PRIM2: variants seen among roughly 807,000 people sequenced by gnomAD.
PRIM2 encodes DNA primase large subunit.
In PRIM2, 39 loss-of-function variants were observed where a neutral mutation model predicts 67.3. The ratio of observed to expected loss-of-function variants is 0.58; its 90% CI spans 0.45 to 0.76. PRIM2 has a LOEUF of 0.76. PRIM2 is among the 30% of genes least tolerant of loss of function. The pLI is 0.00. For missense variants in PRIM2, 398 were observed against 598.7 expected, an observed-to-expected ratio of 0.66 and a Z score of 3.50; for synonymous variants, 143 against 198.7, an observed-to-expected ratio of 0.72 and a Z score of 2.36.
At chr6:57,396,979 G>T (rs1389428453) in intron 7 of PRIM2, among the ~76,000 whole-genome samples, 1 of 152,144 alleles carries the variant, frequency 6.6e-6, no homozygotes, top group Non-Finnish European at 1.5e-5. Flanking sequence ...TGTTTGAGGA[G>T]GTGGAAGACA....
At chr6:57,369,700 G>A (rs1769480048) in intron 5 of PRIM2, among the ~76,000 whole-genome samples, 1 of 152,122 alleles carries the variant, frequency 6.6e-6, no homozygotes, top group Non-Finnish European at 1.5e-5. Flanking sequence ...TGTTTACTTT[G>A]TGAAGCATAC....
intron 7 of PRIM2, among the ~76,000 whole-genome samples, chr6:57,470,844 G>T (rs1190736400): frequency 5.9e-5 from 9 of 152,024 alleles, no homozygotes; most frequent in Non-Finnish European, 1.3e-4. Context: ...TCTTCTCAGC[G>T]TTTGGCACTT....
chr6:57,484,132 T>G (rs1773692702), intron 7 of PRIM2, among the ~76,000 whole-genome samples: 1 of 152,242 alleles, frequency 6.6e-6, no homozygotes, highest in African/African-American at 2.4e-5. Flanking sequence ...AGCTAAAATT[T>G]ATTTACTTTA....
intron 13 of PRIM2, among the ~76,000 whole-genome samples, chr6:57,642,511 C>T (rs1298322849): frequency 7.9e-6 from 1 of 126,592 alleles, no homozygotes; most frequent in African/African-American, 3.1e-5. Context: ...GGCGCGATCT[C>T]GACTCACTGC....
intron 7 of PRIM2, among the ~76,000 whole-genome samples, chr6:57,425,343 C>T (rs1434746923): frequency 3.3e-5 from 5 of 151,954 alleles, no homozygotes; most frequent in African/African-American, 4.8e-5. Flanking sequence ...GTTCAGCCTC[C>T]CAAGTAACTG....
chr6:57,364,583 G>A (rs569321165), intron 5 of PRIM2, among the ~76,000 whole-genome samples: 1 of 152,202 alleles, frequency 6.6e-6, no homozygotes, highest in South Asian at 2.1e-4. Context: ...TTCTTCTGTG[G>A]TTAGGAGAGA....
chr6:57,303,124 A>G, the PRIM2 span, among the ~76,000 whole-genome samples: 1 of 152,178 alleles, frequency 6.6e-6, no homozygotes, highest in Non-Finnish European at 1.5e-5. Flanking sequence ...GTATATATTT[A>G]TAGCTAAGAT....
At chr6:57,248,755 A>C in the PRIM2 span, among the ~76,000 whole-genome samples, 1 of 152,292 alleles carries the variant, frequency 6.6e-6, no homozygotes, top group East Asian at 1.9e-4. Context: ...CGGAAAAAGG[A>C]GGGGCTGAAA....
chr6:57,570,941 A>AT (rs1775851129), intron 10 of PRIM2, among the ~76,000 whole-genome samples: 1 of 151,940 alleles, frequency 6.6e-6, no homozygotes, highest in South Asian at 2.1e-4. Context: ...CATCCCTATA[A>AT]TTTTTTTGCC....
intron 7 of PRIM2, among the ~76,000 whole-genome samples, chr6:57,405,096 A>T (rs1356647251): frequency 2.0e-5 from 3 of 150,674 alleles, no homozygotes; most frequent in African/African-American, 7.3e-5. Context: ...CCTACTTGTG[A>T]TGAGAAAGTA....
intron 10 of PRIM2, among the ~76,000 whole-genome samples, chr6:57,583,286 T>C (rs1357744821): frequency 4.1e-5 from 6 of 147,636 alleles, no homozygotes; most frequent in African/African-American, 1.5e-4. Context: ...CACTAACTCG[T>C]CATCTAGCAT....
At chr6:57,632,881 AC>A (rs1691345012) in intron 13 of PRIM2, among the ~76,000 whole-genome samples, 2 of 152,150 alleles carry the variant, frequency 1.3e-5, no homozygotes, top group African/African-American at 4.8e-5. Context: ...CTAACTATAC[AC>A]GAGTCAGGGA....
chr6:57,464,289 T>TC (rs1439316623), intron 7 of PRIM2, among the ~76,000 whole-genome samples: 6 of 151,442 alleles, frequency 4.0e-5, no homozygotes, highest in African/African-American at 9.7e-5. Context: ...CCTTTTCTTT[T>TC]CCCCCCGAGA....
the PRIM2 span, among the ~76,000 whole-genome samples, chr6:57,279,793 C>CA: frequency 6.6e-6 from 1 of 152,066 alleles, no homozygotes; most frequent in Non-Finnish European, 1.5e-5. Flanking sequence ...GTGATAAATG[C>CA]AAAAAGCAGC....
chr6:57,228,943 T>G, the PRIM2 span, among the ~76,000 whole-genome samples: 1 of 152,212 alleles, frequency 6.6e-6, no homozygotes, highest in African/African-American at 2.4e-5. Flanking sequence ...TATATGGGAA[T>G]GGAAGGGACA....
intron 10 of PRIM2, among the ~76,000 whole-genome samples, chr6:57,583,824 A>G (rs1266089555): frequency 6.6e-6 from 1 of 152,306 alleles, no homozygotes; most frequent in Admixed American, 6.5e-5. Context: ...TCTAGAATGT[A>G]GAAGACTAGG....
chr6:57,290,265 T>C, the PRIM2 span, among the ~76,000 whole-genome samples: 1 of 152,140 alleles, frequency 6.6e-6, no homozygotes. Flanking sequence ...AGAAGGCCAT[T>C]ACATAATGGT....
At chr6:57,605,154 G>C (rs1228375823) in intron 11 of PRIM2, among the ~76,000 whole-genome samples, 2 of 152,168 alleles carry the variant, frequency 1.3e-5, no homozygotes, top group African/African-American at 4.8e-5. Context: ...TTTTTGATGT[G>C]CTGCTGGATT....
At chr6:57,464,735 T>C (rs1773129082) in intron 7 of PRIM2, among the ~76,000 whole-genome samples, 1 of 152,202 alleles carries the variant, frequency 6.6e-6, no homozygotes, top group Non-Finnish European at 1.5e-5. Context: ...CAGATATTTA[T>C]TATGTACTTC....
Sources: allele counts gnomAD v4.1 joint callset (sites outside exome capture counted in the v4.1 genomes callset), GRCh38; gene constraint gnomAD v4.1.1; transcripts MANE v1.5; gene names NCBI Gene and HGNC (gene_info 2026-07-23, HGNC 2026-07-21).